Variants in TCP11L2 observed in about 807,000 individuals in gnomAD.
TCP11L2 encodes T-complex protein 11-like protein 2.
A neutral mutation model predicts 50.7 loss-of-function variants in TCP11L2; 39 were observed. The observed-to-expected ratio is 0.77, with a 90% CI of 0.60 to 1.01. The LOEUF (loss-of-function observed/expected upper bound fraction) is 1.01, where lower values mean the gene tolerates loss of function less well. Ranked by LOEUF, TCP11L2 falls within the 50% of genes least tolerant of loss-of-function variation. The pLI is 0.00. For synonymous variants in TCP11L2, 192 were observed against 219.3 expected, an observed-to-expected ratio of 0.88 and a Z score of 1.10; for missense variants, 612 against 614.7, an observed-to-expected ratio of 1.00 and a Z score of 0.05.
chr12:106,345,650 CTT>C (rs796290951), intron 9 of TCP11L2, among the ~76,000 whole-genome samples: 1 of 135,654 alleles, frequency 7.4e-6, no homozygotes. Context: ...AGGGCTCTGC[CTT>C]TTTTTTTTTA....
intron 6 of TCP11L2, among the ~76,000 whole-genome samples, chr12:106,328,921 T>G (rs1328254048): frequency 1.3e-5 from 2 of 151,646 alleles, no homozygotes; most frequent in Non-Finnish European, 2.9e-5. Flanking sequence ...CGGGAAGGAG[T>G]CGGCTCTGCT....
Position 106,335,698 on chromosome 12 carries a change from C to G in TCP11L2, c.832C>G (p.Leu278Val), listed in dbSNP as rs747466761. Residue 278 changes from leucine to valine, a missense_variant, in exon 7 of 10, where the codon CTT becomes GTT. Transcript: ENST00000299045. ...KESVNEELFS[L>V]SESALTPGAE... ...ATCTGTAAATGAAGAATTATTTTCT[C>G]TTTCTGAGAGTGCTTTAACTCCTGG... is the stretch of plus-strand genomic sequence containing the variant. 5.6e-6 allele frequency: 9 copies of G among 1,614,078 alleles called. No homozygotes were observed. Among genetic ancestry groups the G allele is most frequent in the Non-Finnish European group, 7.6e-6 (9 of 1,180,030 alleles).
At chr12:106,323,079 T>C (rs984430237) in intron 5 of TCP11L2, among the ~76,000 whole-genome samples, 1 of 152,236 alleles carries the variant, frequency 6.6e-6, no homozygotes, top group Non-Finnish European at 1.5e-5. Context: ...CCCACAAATC[T>C]GGCCAGTTGC....
rs878862216 is a variant in TCP11L2, at chr12:106,314,574, TGTGAGAGAGAGA to T, written c.293+83_293+94del. ...GTGTGTGTGTGTGTGTGTGTGTGTGTGTGAGAGAGAGAGAGAGAGAGAGAGAGACAGAGAGAG... is the reference window on the plus strand; with the variant it reads ...GTGTGTGTGTGTGTGTGTGTGTGTGTGAGAGAGAGAGAGAGACAGAGAGAG... On this transcript the variant is annotated intron_variant, in intron 3 of 9. Coordinates refer to ENST00000299045, the MANE Select transcript of TCP11L2 (RefSeq NM_152772.3). 2.1e-3 allele frequency: 1,276 copies of T among 615,660 alleles called. 2 individuals are homozygous for T. Among genetic ancestry groups the T allele is most frequent in the African/African-American group, 0.014 (515 of 37,250 alleles). 38.1% of individuals were successfully genotyped at this position (615,660 alleles called of 1,614,324 possible).
intron 8 of TCP11L2, among the ~76,000 whole-genome samples, chr12:106,340,239 T>C (rs1048319092): frequency 1.3e-5 from 2 of 152,222 alleles, no homozygotes; most frequent in African/African-American, 4.8e-5. Context: ...AATAACTCAC[T>C]CTTTAATTAC....
intron 1 of TCP11L2, among the ~76,000 whole-genome samples, chr12:106,307,664 A>G (rs892863047): frequency 4.6e-5 from 7 of 152,202 alleles, no homozygotes; most frequent in Admixed American, 3.9e-4. Flanking sequence ...TCACACAGTG[A>G]TGGGCCATTC....
chr12:106,298,594 T>A (rs1183390106), upstream of TCP11L2, among the ~76,000 whole-genome samples: 1 of 152,214 alleles, frequency 6.6e-6, no homozygotes, highest in Non-Finnish European at 1.5e-5. Flanking sequence ...AAATCTCAGC[T>A]CACTGCAACC....
At chr12:106,336,547 A>ATTT (rs11449901) in intron 8 of TCP11L2, among the ~76,000 whole-genome samples, 99 of 102,150 alleles carry the variant, frequency 9.7e-4, no homozygotes, top group Non-Finnish European at 1.4e-3. Context: ...GAATTGCGCA[A>ATTT]TTTTTTTTTT....
chr12:106,303,473 G>A (rs2034504590), intron 1 of TCP11L2: 1 of 152,428 alleles, frequency 6.6e-6, no homozygotes, highest in African/African-American at 2.4e-5. Flanking sequence ...TGCTGGAGGG[G>A]AGGGGCGGCC....
At chr12:106,302,410 C>T (rs1035748011), upstream of TCP11L2, among the ~76,000 whole-genome samples, 2 of 139,028 alleles carry the variant, frequency 1.4e-5, no homozygotes, top group Non-Finnish European at 3.1e-5. Context: ...CCCGCTCAGC[C>T]CCCGCTCCCC....
chr12:106,303,112 C>A (rs17217810), intron 1 of TCP11L2, 171 bp downstream of exon 1: 8,186 of 152,378 alleles, frequency 0.054, 234 homozygotes, highest in Middle Eastern at 0.088. Flanking sequence ...TCTTCCCACT[C>A]CGCGTCCCCT....
chr12:106,307,115 A>T (rs1190952397), intron 1 of TCP11L2, among the ~76,000 whole-genome samples: 2 of 152,248 alleles, frequency 1.3e-5, no homozygotes, highest in East Asian at 3.8e-4. Flanking sequence ...AAATGTCAGT[A>T]GTCTTACTAC....
chr12:106,340,948 G>A lies in TCP11L2; in HGVS notation c.1265G>A (p.Gly422Asp). The change falls in exon 9 of 10, where the codon GGT (glycine) becomes GAT (aspartate). Residue 422 changes from glycine (G) to aspartate (D), a missense_variant. Gly to Asp is a moderately conservative substitution (Grantham distance 94). Transcript: ENST00000299045. Reference sequence around the variant, plus strand: ...GCTGAGATTCAAGCTAATCTTATAGGTCAATTTTCAAGCATTGAAGAGGAG... The same window carrying A: ...GCTGAGATTCAAGCTAATCTTATAGATCAATTTTCAAGCATTGAAGAGGAG... ...LNAEIQANLI[G>D]QFSSIEEEDN... is the part of the protein sequence containing the mutation. 6.2e-7 allele frequency: 1 copy of A among 1,613,470 alleles called. No individual in the cohort carries two copies. The highest frequency in any genetic ancestry group is 8.5e-7 in the Non-Finnish European group (1 of 1,179,794).
upstream of TCP11L2, among the ~76,000 whole-genome samples, chr12:106,299,101 C>T (rs537625420): frequency 6.6e-6 from 1 of 152,184 alleles, no homozygotes; most frequent in South Asian, 2.1e-4. Context: ...CAGGCCTGAG[C>T]CACCATGCCC....
intron 6 of TCP11L2, among the ~76,000 whole-genome samples, chr12:106,334,844 G>A (rs1322354011): frequency 6.6e-6 from 1 of 152,126 alleles, no homozygotes; most frequent in Non-Finnish European, 1.5e-5. Context: ...AGGAGGCTGA[G>A]GCAGGAGAAT....
rs750435497 is a variant in TCP11L2 at position 106,311,050 on chromosome 12, T to C, written c.-26T>C. On this transcript the variant is annotated 5_prime_UTR_variant, in exon 2 of 10. Coordinates refer to ENST00000299045, the MANE Select transcript of TCP11L2 (RefSeq NM_152772.3). ...CTGTTTGTCTGTGCAGGTGCTACCTTTTTACCCACACTTAAGTGACGCAAA... is the reference window on the plus strand; with the variant it reads ...CTGTTTGTCTGTGCAGGTGCTACCTCTTTACCCACACTTAAGTGACGCAAA... 1 of 1,612,356 alleles carries C rather than the reference T, an allele frequency of 6.2e-7. No individual in the cohort carries two copies. Among genetic ancestry groups the C allele is most frequent in the South Asian group, 1.1e-5 (1 of 90,854 alleles).
chr12:106,338,784 G>A (rs932622611), intron 8 of TCP11L2, among the ~76,000 whole-genome samples: 1 of 152,224 alleles, frequency 6.6e-6, no homozygotes, highest in Non-Finnish European at 1.5e-5. Flanking sequence ...CCCACCAGCA[G>A]TGTATAAGTG....
At chr12:106,312,500 T>A in intron 2 of TCP11L2, 2 of 933,556 alleles carry the variant, frequency 2.1e-6, no homozygotes, top group Non-Finnish European at 2.6e-6. Context: ...CCAGGGTACC[T>A]AGGCATCCTG....
At chr12:106,323,690 A>C in intron 6 of TCP11L2, 44 bp downstream of exon 6, 1 of 1,086,550 alleles carries the variant, frequency 9.2e-7, no homozygotes, top group Non-Finnish European at 1.2e-6. Context: ...TTAGGTTAAA[A>C]TGATGATTTT....
Sources: gnomAD v4.1 joint callset for allele counts (sites outside exome capture counted in the v4.1 genomes callset) on GRCh38, gnomAD v4.1.1 for gene constraint, MANE v1.5 for transcripts, NCBI Gene and HGNC (gene_info 2026-07-23, HGNC 2026-07-21) for gene names.